FOXN3: variants seen among roughly 807,000 people sequenced by gnomAD.
FOXN3 encodes the protein forkhead box protein N3.
FOXN3 carries 7 observed loss-of-function variants against 38.4 expected under a neutral mutation model. That is an observed-to-expected ratio of 0.18 (90% CI 0.10 to 0.34). The LOEUF is 0.34. Among genes scored for constraint, FOXN3 ranks in the 10% least tolerant of loss-of-function variants. The probability of loss-of-function intolerance (pLI) is 1.00; values close to 1 mark genes in which losing one functional copy is unlikely to be tolerated. For synonymous variants in FOXN3, 230 were observed against 242.2 expected, an observed-to-expected ratio of 0.95 and a Z score of 0.47; for missense variants, 456 against 613.4, an observed-to-expected ratio of 0.74 and a Z score of 2.71.
intron 3 of FOXN3, among the ~76,000 whole-genome samples, chr14:89,310,443 TC>T: frequency 6.6e-6 from 1 of 152,194 alleles, no homozygotes; most frequent in Non-Finnish European, 1.5e-5. Context: ...TCCTGGACTT[TC>T]CAGTTGGATA....
rs1395692992 is a variant in FOXN3, at chr14:89,158,115, T to C, written c.*4299A>G. 1 of 152,270 alleles carries C rather than the reference T, an allele frequency of 6.6e-6. No homozygotes were observed. The highest frequency in any genetic ancestry group is 1.5e-5 in the Non-Finnish European group (1 of 68,062). 9.4% of individuals were successfully genotyped at this position (152,270 alleles called of 1,614,324 possible). A position where few individuals can be genotyped will look rare whatever the true frequency, so the allele number is the denominator to read the frequency against. Reference sequence around the variant, plus strand: ...TTAGGTCACTTGTACGTAACTCCAATTCCTTCTCCAAGAGCCCTTCCAGGA... The same window carrying C: ...TTAGGTCACTTGTACGTAACTCCAACTCCTTCTCCAAGAGCCCTTCCAGGA... On this transcript the variant is annotated 3_prime_UTR_variant, in exon 6 of 6. Coordinates refer to ENST00000557258, the MANE Select transcript of FOXN3 (RefSeq NM_005197.4).
intron 1 of FOXN3, 80 bp downstream of exon 1, chr14:89,416,791 G>A (rs905889848): frequency 6.6e-6 from 1 of 151,964 alleles, no homozygotes; most frequent in Non-Finnish European, 1.5e-5. Flanking sequence ...GTAGTCTCCA[G>A]GACCGTCTCG....
chr14:89,454,235 C>T (rs1156543017), intron 1 of FOXN3, among the ~76,000 whole-genome samples: 3 of 152,116 alleles, frequency 2.0e-5, no homozygotes, highest in South Asian at 2.1e-4. Flanking sequence ...ATCCAGGAGG[C>T]GGAGGTTGCA....
At chr14:89,407,322 A>G (rs1596256889) in intron 2 of FOXN3, among the ~76,000 whole-genome samples, 1 of 152,238 alleles carries the variant, frequency 6.6e-6, no homozygotes, top group South Asian at 2.1e-4. Context: ...ACAGACAGGA[A>G]ACATCACAAA....
At chr14:89,612,117 G>A (rs893720781) in intron 1 of FOXN3, among the ~76,000 whole-genome samples, 1 of 152,074 alleles carries the variant, frequency 6.6e-6, no homozygotes, top group African/African-American at 2.4e-5. Context: ...TAATAGTCGG[G>A]TACCAAAGAA....
chr14:89,291,420 T>G, intron 3 of FOXN3: 1 of 609,544 alleles, frequency 1.6e-6, no homozygotes, highest in South Asian at 1.4e-5. Flanking sequence ...TTTAAAAACT[T>G]GGCCACCATG....
At chr14:89,408,954 T>C (rs538437481) in intron 2 of FOXN3, among the ~76,000 whole-genome samples, 6 of 152,192 alleles carry the variant, frequency 3.9e-5, no homozygotes, top group South Asian at 2.1e-4. Flanking sequence ...GAGAATGCCA[T>C]AGTAGCATAC....
intron 4 of FOXN3, among the ~76,000 whole-genome samples, chr14:89,217,769 G>A (rs531752846): frequency 2.9e-4 from 44 of 152,334 alleles, no homozygotes; most frequent in Non-Finnish European, 3.1e-4. Context: ...AACTACCAAA[G>A]GGAAGGAACA....
Position 89,194,585 on chromosome 14 carries a change from T to C in FOXN3, c.746-13779A>G, listed in dbSNP as rs1187491866. Among the ~76,000 whole-genome samples, 4 of 152,108 alleles carry C rather than the reference T, an allele frequency of 2.6e-5. No homozygotes were observed. In the East Asian group the frequency reaches 7.7e-4, roughly 29 times the overall value. On this transcript the variant is annotated intron_variant, in intron 4 of 5. Transcript: ENST00000557258. ...CTGACACCCTGTGAGTGCTTCTGTC[T>C]TCAGAGCCAACAGCCTCCTGTCTCT...
chr14:89,244,991 G>A lies in FOXN3; in HGVS notation c.745+35959C>T, dbSNP rs1344149363. Among the ~76,000 whole-genome samples, 7 of 152,204 alleles carry A rather than the reference G, an allele frequency of 4.6e-5. No individual in the cohort carries two copies. In the East Asian group the frequency reaches 1.3e-3, roughly 29 times the overall value. ...CCTGTCCTCAGACCTTCGACTCTAG[G>A]GGTGTGGTGGAAGTAACAAAGATAC... On this transcript the variant is annotated intron_variant, in intron 4 of 5. Coordinates refer to ENST00000557258, the MANE Select transcript of FOXN3 (RefSeq NM_005197.4).
intron 5 of FOXN3, among the ~76,000 whole-genome samples, chr14:89,178,999 A>G (rs530645376): frequency 6.6e-6 from 1 of 152,250 alleles, no homozygotes; most frequent in Non-Finnish European, 1.5e-5. Context: ...AACACAGGAA[A>G]GATTTTAAGA....
At chr14:89,202,837 T>C (rs865939927) in intron 4 of FOXN3, among the ~76,000 whole-genome samples, 1 of 152,172 alleles carries the variant, frequency 6.6e-6, no homozygotes, top group South Asian at 2.1e-4. Flanking sequence ...TACAGAACCA[T>C]GAGCCAGATA....
At chr14:89,544,284 G>A (rs916491356) in intron 1 of FOXN3, among the ~76,000 whole-genome samples, 1 of 151,016 alleles carries the variant, frequency 6.6e-6, no homozygotes, top group African/African-American at 2.4e-5. Context: ...CTCGTGATCC[G>A]CCCACCTCGG....
chr14:89,195,300 T>C, intron 4 of FOXN3, among the ~76,000 whole-genome samples: 1 of 152,168 alleles, frequency 6.6e-6, no homozygotes, highest in East Asian at 1.9e-4. Flanking sequence ...TGCCTCTCTC[T>C]GGGGCTTACT....
intron 1 of FOXN3, among the ~76,000 whole-genome samples, chr14:89,505,793 C>T (rs1293999043): frequency 6.6e-5 from 10 of 150,956 alleles, no homozygotes; most frequent in African/African-American, 2.4e-4. Context: ...AAGTGAGGAG[C>T]GCCTCTTCCC....
chr14:89,433,495 A>G (rs1892208813), intron 1 of FOXN3, among the ~76,000 whole-genome samples: 1 of 151,798 alleles, frequency 6.6e-6, no homozygotes. Flanking sequence ...CAAACAAACA[A>G]ACAAATAAAT....
intron 1 of FOXN3, among the ~76,000 whole-genome samples, chr14:89,535,573 G>A (rs956275228): frequency 2.0e-5 from 3 of 152,140 alleles, no homozygotes; most frequent in African/African-American, 4.8e-5. Context: ...TTACTAAAGA[G>A]GTGCTGTTAA....
intron 4 of FOXN3, among the ~76,000 whole-genome samples, chr14:89,261,619 C>A (rs533328409): frequency 6.6e-6 from 1 of 152,024 alleles, no homozygotes; most frequent in African/African-American, 2.4e-5. Context: ...CAGGGTGAAA[C>A]CCTGTCTGTA....
upstream of FOXN3, chr14:89,417,703 G>C (rs1353690888): frequency 4.4e-6 from 2 of 455,880 alleles, no homozygotes; most frequent in African/African-American, 4.0e-5. Flanking sequence ...GTGGGGGTGA[G>C]AAGAGGAGAT....
Sources: gnomAD v4.1 joint callset for allele counts (sites outside exome capture counted in the v4.1 genomes callset) on GRCh38, gnomAD v4.1.1 for gene constraint, MANE v1.5 for transcripts, NCBI Gene and HGNC (gene_info 2026-07-23, HGNC 2026-07-21) for gene names.